The following MAP3K19 variants were observed in gnomAD, a reference collection of about 807,000 sequenced individuals.
MAP3K19 encodes the protein mitogen-activated protein kinase kinase kinase 19.
MAP3K19 carries 91 observed loss-of-function variants against 114.4 expected under a neutral mutation model. The ratio of observed to expected loss-of-function variants is 0.80; its 90% confidence interval spans 0.67 to 0.95. The LOEUF (loss-of-function observed/expected upper bound fraction) is 0.95, where lower values mean the gene tolerates loss of function less well. MAP3K19 is among the 40% of genes least tolerant of loss of function. The pLI is 0.00. For synonymous variants in MAP3K19, 518 were observed against 530.5 expected (o/e 0.98, Z 0.32); for missense variants, 1,471 against 1,573.2 (o/e 0.94, Z 1.10).
chr2:135,000,683 T>A (rs1686376911), intron 6 of MAP3K19, among the ~76,000 whole-genome samples: 1 of 152,166 alleles, frequency 6.6e-6, no homozygotes, highest in African/African-American at 2.4e-5. Context: ...GTAGAGCTGA[T>A]AAGAAAATAA....
intron 4 of MAP3K19, chr2:135,023,081 T>C (rs1208054311): frequency 1.1e-5 from 2 of 175,734 alleles, no homozygotes; most frequent in Non-Finnish European, 2.4e-5. Context: ...ATTTATCTTG[T>C]AGTGGAAACA....
chr2:135,046,552 G>A (rs759722753), intron 1 of MAP3K19, among the ~76,000 whole-genome samples: 30 of 152,040 alleles, frequency 2.0e-4, no homozygotes, highest in African/African-American at 1.7e-4. Flanking sequence ...CTAGGATTAC[G>A]GGCATGAGCC....
At chr2:134,975,179 C>T (rs1489760296) in intron 12 of MAP3K19, among the ~76,000 whole-genome samples, 1 of 152,150 alleles carries the variant, frequency 6.6e-6, no homozygotes, top group Admixed American at 6.5e-5. Context: ...ATTCTTGGGC[C>T]TCCAAGGCTT....
chr2:135,010,499 C>T lies in MAP3K19; in HGVS notation c.139-4968G>A, dbSNP rs150068174. 3.0e-3 allele frequency among the ~76,000 whole-genome samples: 455 copies of T among 152,272 alleles called. 3 individuals are homozygous for T. Among genetic ancestry groups the T allele is most frequent in the African/African-American group, 0.01 (422 of 41,546 alleles). ...CCAAACATAGATGGATTTCATAAAC[C>T]ATTGACAACACCACGGGAGCTGATA... On this transcript the variant is annotated intron_variant, in intron 5 of 12. Transcript: ENST00000392915.
chr2:134,970,231 C>T (rs1218623876), intron 12 of MAP3K19, among the ~76,000 whole-genome samples: 1 of 152,154 alleles, frequency 6.6e-6, no homozygotes, highest in Admixed American at 6.5e-5. Flanking sequence ...ACCACTTTAA[C>T]AATATTGATT....
intron 6 of MAP3K19, among the ~76,000 whole-genome samples, chr2:135,003,663 T>C (rs1168714216): frequency 6.6e-6 from 1 of 152,180 alleles, no homozygotes. Flanking sequence ...CAAACGATTC[T>C]TCTGCCTCAG....
At chr2:134,968,748 G>T (rs1315651303) in intron 12 of MAP3K19, among the ~76,000 whole-genome samples, 1 of 150,222 alleles carries the variant, frequency 6.7e-6, no homozygotes, top group Non-Finnish European at 1.5e-5. Flanking sequence ...CATCTCAGAC[G>T]ATGGGCGGCC....
At chr2:135,009,185 G>A (rs963029209) in intron 5 of MAP3K19, among the ~76,000 whole-genome samples, 66 of 148,736 alleles carry the variant, frequency 4.4e-4, no homozygotes, top group Non-Finnish European at 7.1e-4. Context: ...GGCTGGTCTC[G>A]ATCTCCTGAT....
chr2:134,989,229 G>A (rs540969350), intron 9 of MAP3K19, among the ~76,000 whole-genome samples: 3 of 152,022 alleles, frequency 2.0e-5, no homozygotes, highest in African/African-American at 2.4e-5. Context: ...TAAACTTTGC[G>A]GGCAGTAAGC....
intron 2 of MAP3K19, among the ~76,000 whole-genome samples, chr2:135,038,330 T>C (rs887339609): frequency 6.6e-6 from 1 of 152,006 alleles, no homozygotes; most frequent in Non-Finnish European, 1.5e-5. Context: ...TATGTATGTA[T>C]ATATGTGTAT....
In MAP3K19 at chr2:135,015,506, G is replaced by C. The variant is rs113871398; in HGVS notation, c.138+6209C>G. ...ATGAGTTGCTTATTATTATCTTAATGATGTCTTTAGATAAAAAGAAATGCT... is the reference window on the plus strand; with the variant it reads ...ATGAGTTGCTTATTATTATCTTAATCATGTCTTTAGATAAAAAGAAATGCT... On this transcript the variant is annotated intron_variant, in intron 5 of 12. Coordinates refer to ENST00000392915, the MANE Select transcript of MAP3K19 (RefSeq NM_025052.5). Among the ~76,000 whole-genome samples, 454 of 152,150 alleles carry C rather than the reference G, an allele frequency of 3.0e-3. 3 individuals carry two copies. The highest frequency in any genetic ancestry group is 0.01 in the African/African-American group (422 of 41,508).
At chr2:134,969,961 T>C (rs4953941) in intron 12 of MAP3K19, among the ~76,000 whole-genome samples, 34,907 of 151,986 alleles carry the variant, frequency 0.23, 4,352 homozygotes, top group Middle Eastern at 0.6. Flanking sequence ...TCTGTTCTAT[T>C]GGTTTATGTG....
At chr2:135,018,232 G>C (rs1687710909) in intron 5 of MAP3K19, among the ~76,000 whole-genome samples, 1 of 148,574 alleles carries the variant, frequency 6.7e-6, no homozygotes, top group Non-Finnish European at 1.5e-5. Flanking sequence ...CGGAGGTTGT[G>C]GTGAGCCGAG....
chr2:134,966,200 G>A (rs554123323), intron 12 of MAP3K19, among the ~76,000 whole-genome samples: 1 of 152,316 alleles, frequency 6.6e-6, no homozygotes, highest in Non-Finnish European at 1.5e-5. Context: ...GAGGATGCAG[G>A]TATCCCTTAG....
In MAP3K19 at chr2:134,999,982, A is replaced by T. The variant is rs1356277924; in HGVS notation, c.269T>A (p.Val90Asp). ...VEITVTFPRD[V>D]SPPQEMSQED... is the part of the protein sequence containing the mutation. ...TTGGCTCATTTCTTGGGGAGGACTG[A>T]CATCTCTTGGAAAAGTTACAGTGAT... Residue 90 changes from valine (V) to aspartate (D), a missense_variant, in exon 7 of 13, where the codon GTC (valine) becomes GAC (aspartate). Transcript: ENST00000392915. This position sits in a 1 kb window ranked among gnomAD's most constrained non-coding sequence, Gnocchi z 4.1. 1 of 1,612,136 alleles carries T rather than the reference A, an allele frequency of 6.2e-7. No homozygotes were observed.
chr2:134,986,268 T>G lies in MAP3K19; in HGVS notation c.2604A>C (p.Val868=). 1 of 1,614,118 alleles carries G rather than the reference T, an allele frequency of 6.2e-7. No homozygotes were observed. The highest frequency in any genetic ancestry group is 8.5e-7 in the Non-Finnish European group (1 of 1,180,014). The change falls in exon 10 of 13, where the codon GTA becomes GTC. Residue 868 remains valine, a synonymous_variant. Transcript: ENST00000392915. The part of the protein sequence containing the change: ...VPSEKNSNKY[V]QQEKQNTASL... Reference sequence around the variant, plus strand: ...ATGCTGTATTCTGCTTTTCTTGCTGTACATACTTGTTAGAATTCTTCTCAC... The same window carrying G: ...ATGCTGTATTCTGCTTTTCTTGCTGGACATACTTGTTAGAATTCTTCTCAC...
chr2:134,968,841 G>A (rs372637126), intron 12 of MAP3K19, among the ~76,000 whole-genome samples: 3 of 151,536 alleles, frequency 2.0e-5, no homozygotes, highest in African/African-American at 7.3e-5. Flanking sequence ...TGGCGGCTGG[G>A]CAGAGACGCT....
At chr2:135,032,656 C>T (rs1412281488) in intron 2 of MAP3K19, among the ~76,000 whole-genome samples, 1 of 143,164 alleles carries the variant, frequency 7.0e-6, no homozygotes, top group South Asian at 2.2e-4. Context: ...GGGTGTTTCT[C>T]GCAGAGGGGG....
rs1474473731 is a variant in MAP3K19, at chr2:135,006,526, T to C, written c.139-995A>G. Among the ~76,000 whole-genome samples the C allele has an allele frequency of 2.0e-5, 3 of 152,174 alleles. No individual in the cohort carries two copies. The South Asian group carries it at 6.2e-4, about 32-fold the overall frequency. On this transcript the variant is annotated intron_variant, in intron 5 of 12. Transcript: ENST00000392915. ...TAATTGTCGTAGCAAATAATAAAAG[T>C]TGGCCAGGCATGGTGGTTCACTCCT...
Sources: allele counts gnomAD v4.1 joint callset (sites outside exome capture counted in the v4.1 genomes callset), GRCh38; gene constraint gnomAD v4.1.1; non-coding constraint Gnocchi (gnomAD v3.1); transcripts MANE v1.5; gene names NCBI Gene and HGNC (gene_info 2026-07-23, HGNC 2026-07-21).